THSD4: variants seen among roughly 807,000 people sequenced by gnomAD.
The protein encoded by THSD4 is thrombospondin type-1 domain-containing protein 4.
In THSD4, 69 loss-of-function variants were observed where a neutral mutation model predicts 119.0. The ratio of observed to expected loss-of-function variants is 0.58; its 90% confidence interval spans 0.48 to 0.71. THSD4 has a LOEUF of 0.71. Among genes scored for constraint, THSD4 ranks in the 30% least tolerant of loss-of-function variants. The pLI is 0.00. For missense variants in THSD4, 1,393 were observed against 1,391.1 expected (o/e 1.00, Z -0.02); for synonymous variants, 524 against 540.4 (o/e 0.97, Z 0.42).
At chr15:71,406,575 G>C (rs573452596) in intron 6 of THSD4, among the ~76,000 whole-genome samples, 2 of 151,838 alleles carry the variant, frequency 1.3e-5, no homozygotes, top group South Asian at 4.2e-4. Flanking sequence ...TTGAAAGTGG[G>C]ATATCAAAGT....
intron 6 of THSD4, among the ~76,000 whole-genome samples, chr15:71,288,163 A>G (rs1356613992): frequency 1.3e-5 from 2 of 152,170 alleles, no homozygotes; most frequent in African/African-American, 4.8e-5. Flanking sequence ...GCTAAATTTG[A>G]TTCGGCCTTT....
intron 8 of THSD4, among the ~76,000 whole-genome samples, chr15:71,685,236 T>C (rs1434953786): frequency 1.3e-5 from 2 of 151,994 alleles, no homozygotes; most frequent in African/African-American, 4.8e-5. Flanking sequence ...TTAAATTGCA[T>C]AAATTCAATG....
intron 7 of THSD4, among the ~76,000 whole-genome samples, chr15:71,467,693 G>A (rs113566496): frequency 0.017 from 2,632 of 152,152 alleles, 61 homozygotes; most frequent in South Asian, 0.066. Context: ...GATATGGTTT[G>A]GCTGTGTCCC....
intron 6 of THSD4, among the ~76,000 whole-genome samples, chr15:71,404,915 GTC>G (rs922760881): frequency 2.7e-5 from 4 of 148,010 alleles, no homozygotes; most frequent in Non-Finnish European, 5.9e-5. Flanking sequence ...TTTTGACAGA[GTC>G]TCTCTCTGTC....
chr15:71,239,102 T>C (rs554463672), intron 4 of THSD4, among the ~76,000 whole-genome samples: 2 of 152,330 alleles, frequency 1.3e-5, no homozygotes, highest in East Asian at 1.9e-4. Flanking sequence ...TAAAGGCAAA[T>C]ACTTGTATGA....
chr15:71,248,503 C>G (rs1355838506), intron 5 of THSD4, among the ~76,000 whole-genome samples: 1 of 152,086 alleles, frequency 6.6e-6, no homozygotes, highest in African/African-American at 2.4e-5. Context: ...TTTTAAGGGT[C>G]TTTGCTGCCA....
chr15:71,649,056 G>T (rs747172712), intron 7 of THSD4, among the ~76,000 whole-genome samples: 2 of 152,114 alleles, frequency 1.3e-5, no homozygotes, highest in East Asian at 1.9e-4. Context: ...CATATGGAAC[G>T]TAGAAAAGAA....
rs982705692 is a variant in THSD4 at position 71,782,686 on chromosome 15, C to T, written c.*5312C>T. On this transcript the variant is annotated 3_prime_UTR_variant, in exon 18 of 18. Coordinates refer to ENST00000261862, the MANE Select transcript of THSD4 (RefSeq NM_024817.3). ...TCCATAGTTACAATTGTTTAGTATG[C>T]TAATCAGTCCAGTTCCCTGAGGTTT... 3.3e-5 allele frequency: 5 copies of T among 152,208 alleles called. No homozygotes were observed. Among genetic ancestry groups the T allele is most frequent in the Middle Eastern group, 3.4e-3 (1 of 294 alleles). The allele number at this position is 152,208 out of a possible 1,614,324, so 9.4% of individuals were successfully genotyped here.
intron 7 of THSD4, among the ~76,000 whole-genome samples, chr15:71,632,169 C>G (rs1487702190): frequency 6.6e-6 from 1 of 152,160 alleles, no homozygotes; most frequent in East Asian, 1.9e-4. Context: ...TGTTATTTGG[C>G]CCAACATTCA....
chr15:71,716,696 G>A (rs1416556992), intron 8 of THSD4, among the ~76,000 whole-genome samples: 1 of 151,900 alleles, frequency 6.6e-6, no homozygotes. Flanking sequence ...CAGCCACGGT[G>A]CACACCTGAC....
chr15:71,438,537 C>T (rs145507497), intron 7 of THSD4, among the ~76,000 whole-genome samples: 4 of 152,186 alleles, frequency 2.6e-5, no homozygotes, highest in East Asian at 1.9e-4. Context: ...CCTAGTGTAT[C>T]GTGTGAGGTA....
intron 6 of THSD4, among the ~76,000 whole-genome samples, chr15:71,287,837 A>G (rs2044737302): frequency 3.9e-5 from 6 of 152,198 alleles, no homozygotes; most frequent in Admixed American, 3.9e-4. Flanking sequence ...TTGATAAACC[A>G]TGTTCCCAGA....
chr15:71,722,079 T>G (rs1479213486), intron 8 of THSD4, among the ~76,000 whole-genome samples: 2 of 152,194 alleles, frequency 1.3e-5, no homozygotes, highest in Non-Finnish European at 2.9e-5. Context: ...TGTTAAAGCT[T>G]GACCTTCAGT....
chr15:71,220,060 T>C (rs763109106), intron 4 of THSD4, among the ~76,000 whole-genome samples: 98 of 151,554 alleles, frequency 6.5e-4, no homozygotes, highest in Non-Finnish European at 9.1e-4. Flanking sequence ...GTAATCTTCT[T>C]TGCATCTAAT....
intron 8 of THSD4, among the ~76,000 whole-genome samples, chr15:71,704,089 C>G (rs1319917954): frequency 6.6e-6 from 1 of 152,170 alleles, no homozygotes; most frequent in Admixed American, 6.5e-5. Context: ...ACCTCGTGAT[C>G]CGCCCACCTT....
chr15:71,331,457 T>C (rs1467352185), intron 6 of THSD4, among the ~76,000 whole-genome samples: 1 of 152,182 alleles, frequency 6.6e-6, no homozygotes, highest in African/African-American at 2.4e-5. Context: ...GATTAACTTT[T>C]ATGAAATGAT....
At chr15:71,499,482 G>GT (rs1163549108) in intron 7 of THSD4, among the ~76,000 whole-genome samples, 3,421 of 129,864 alleles carry the variant, frequency 0.026, 126 homozygotes, top group African/African-American at 0.095. Context: ...TGGCACAATT[G>GT]TTTTTTTTTT....
chr15:71,142,542 C>A (rs2040615124), intron 2 of THSD4, among the ~76,000 whole-genome samples: 1 of 152,068 alleles, frequency 6.6e-6, no homozygotes, highest in Non-Finnish European at 1.5e-5. Flanking sequence ...ATTATGAGAT[C>A]AATGCATTAA....
chr15:71,379,669 A>G (rs1302088556), intron 6 of THSD4, among the ~76,000 whole-genome samples: 2 of 151,692 alleles, frequency 1.3e-5, no homozygotes. Context: ...CGTGTTAGCC[A>G]GGATGGTCTC....
Sources: allele counts gnomAD v4.1 joint callset (sites outside exome capture counted in the v4.1 genomes callset), GRCh38; gene constraint gnomAD v4.1.1; transcripts MANE v1.5; gene names NCBI Gene and HGNC (gene_info 2026-07-23, HGNC 2026-07-21).